Variants in MDFIC observed in about 807,000 individuals in gnomAD.
MDFIC encodes myoD family inhibitor domain-containing protein.
Under a neutral mutation model 23.2 loss-of-function variants are expected in MDFIC, and 17 were observed. That is an observed-to-expected ratio of 0.73 (90% CI 0.50 to 1.10). MDFIC has a LOEUF of 1.10. MDFIC is among the 50% of genes least tolerant of loss of function. MDFIC has a pLI of 0.00. For missense variants in MDFIC, 356 were observed against 316.6 expected, an observed-to-expected ratio of 1.12 and a Z score of -0.95; for synonymous variants, 120 against 115.2, an observed-to-expected ratio of 1.04 and a Z score of -0.27.
At chr7:114,953,358 G>A (rs527312427) in intron 3 of MDFIC, among the ~76,000 whole-genome samples, 1 of 152,214 alleles carries the variant, frequency 6.6e-6, no homozygotes, top group South Asian at 2.1e-4. Context: ...AAAGAGGATT[G>A]GAATAATATT....
Position 114,999,100 on chromosome 7 carries a change from C to G in MDFIC, c.494-16588C>G, listed in dbSNP as rs1791406374. ...CTCATTTCTCTATTTCATACTTTCT[C>G]TCCCTCCCCTCCCCTTACCTGTTTC... is the stretch of plus-strand genomic sequence containing the variant. On this transcript the variant is annotated intron_variant, in intron 4 of 4. Coordinates refer to ENST00000393486, the MANE Select transcript of MDFIC (RefSeq NM_001166345.3). 2.0e-5 allele frequency among the ~76,000 whole-genome samples: 3 copies of G among 151,980 alleles called. No individual in the cohort carries two copies. The South Asian group carries it at 6.2e-4, about 32-fold the overall frequency.
intron 4 of MDFIC, among the ~76,000 whole-genome samples, chr7:115,001,813 AT>A (rs1477318372): frequency 1.3e-5 from 2 of 152,190 alleles, no homozygotes; most frequent in African/African-American, 4.8e-5. Context: ...CATGAAAAAA[AT>A]ATATATGTAT....
At chr7:114,961,174 A>G (rs1357104405) in intron 3 of MDFIC, among the ~76,000 whole-genome samples, 2 of 152,178 alleles carry the variant, frequency 1.3e-5, no homozygotes, top group African/African-American at 4.8e-5. Context: ...TTGACTGCCT[A>G]AAGGATGAGA....
intron 3 of MDFIC, among the ~76,000 whole-genome samples, chr7:114,944,531 C>T (rs982627759): frequency 6.6e-6 from 1 of 152,178 alleles, no homozygotes; most frequent in East Asian, 1.9e-4. Flanking sequence ...TTAAAACTGA[C>T]TCAATTCTGG....
chr7:114,922,579 C>A lies in MDFIC; in HGVS notation c.-165C>A, dbSNP rs1792104907. On this transcript the variant is annotated 5_prime_UTR_variant, in exon 1 of 5. Coordinates refer to ENST00000393486, the MANE Select transcript of MDFIC (RefSeq NM_001166345.3). ...CCGGAGGCTCGCTAACTTTCCGGGG[C>A]GGAAGAGGAGGAGGAGGAGGAGGAA... is the stretch of plus-strand genomic sequence containing the variant. The A allele has an allele frequency of 7.9e-7, 1 of 1,264,050 alleles. No individual in the cohort carries two copies. 78.3% of individuals were successfully genotyped at this position (1,264,050 alleles called of 1,614,324 possible).
intron 2 of MDFIC, among the ~76,000 whole-genome samples, chr7:114,925,702 A>T (rs1164416260): frequency 1.3e-5 from 2 of 152,160 alleles, no homozygotes; most frequent in African/African-American, 2.4e-5. Flanking sequence ...GTTTTAGCTA[A>T]TTGTTGCCAT....
chr7:114,939,573 A>T (rs1317988344), intron 2 of MDFIC, among the ~76,000 whole-genome samples: 3 of 152,146 alleles, frequency 2.0e-5, no homozygotes, highest in South Asian at 2.1e-4. Flanking sequence ...TAGAGCAGGA[A>T]GAACTTTATT....
At chr7:114,973,105 A>G (rs1440487621) in intron 3 of MDFIC, among the ~76,000 whole-genome samples, 12 of 146,980 alleles carry the variant, frequency 8.2e-5, no homozygotes, top group Non-Finnish European at 1.4e-4. Context: ...GTGTGTGTAT[A>G]TATATATATA....
chr7:115,013,422 A>G (rs1332466053), intron 4 of MDFIC, among the ~76,000 whole-genome samples: 3 of 152,222 alleles, frequency 2.0e-5, no homozygotes, highest in African/African-American at 7.2e-5. Context: ...TACGACTAGT[A>G]TATAAATAAT....
intron 3 of MDFIC, among the ~76,000 whole-genome samples, chr7:114,969,338 A>ATAGTG (rs1239160884): frequency 2.0e-5 from 3 of 152,218 alleles, no homozygotes; most frequent in Non-Finnish European, 4.4e-5. Flanking sequence ...GTGACAGCTT[A>ATAGTG]AAAGCTAGTA....
Position 115,017,662 on chromosome 7 carries a change from G to A in MDFIC, c.*1727G>A, listed in dbSNP as rs756674536. ...AATTGTATAGTTATTGAGACCTATA[G>A]TGTGTGGCTTAGATGAAAGGGAGAG... On this transcript the variant is annotated 3_prime_UTR_variant, in exon 5 of 5. Coordinates refer to ENST00000393486, the MANE Select transcript of MDFIC (RefSeq NM_001166345.3). 2 of 152,524 alleles carry A rather than the reference G, an allele frequency of 1.3e-5. No individual in the cohort carries two copies. The highest frequency in any genetic ancestry group is 3.9e-4 in the East Asian group (2 of 5,186). 9.4% of individuals were successfully genotyped at this position (152,524 alleles called of 1,614,324 possible).
intron 3 of MDFIC, among the ~76,000 whole-genome samples, chr7:114,952,740 C>T (rs961385694): frequency 3.3e-5 from 5 of 152,148 alleles, no homozygotes; most frequent in African/African-American, 1.2e-4. Flanking sequence ...CTCAAATTGT[C>T]ATGAATAATT....
Position 114,922,622 on chromosome 7 carries a change from C to T in MDFIC, c.-122C>T. 1 of 1,280,444 alleles carries T rather than the reference C, an allele frequency of 7.8e-7. No homozygotes were observed. The highest frequency in any genetic ancestry group is 9.9e-7 in the Non-Finnish European group (1 of 1,007,190). The allele number at this position is 1,280,444 out of a possible 1,614,324, so 79.3% of individuals were successfully genotyped here. A position where few individuals can be genotyped will look rare whatever the true frequency, so the allele number is the denominator to read the frequency against. On this transcript the variant is annotated 5_prime_UTR_variant, in exon 1 of 5. The change creates a new upstream start codon in the 5' untranslated region. Coordinates refer to ENST00000393486, the MANE Select transcript of MDFIC (RefSeq NM_001166345.3). The stretch of plus-strand genomic sequence containing the variant: ...AGGAGGAAGGGGCTTGGAGCGACTA[C>T]GGGGGGATGCGGAGGTAGGTAGTGG...
chr7:114,970,342 A>G (rs1044926120), intron 3 of MDFIC, among the ~76,000 whole-genome samples: 1 of 152,084 alleles, frequency 6.6e-6, no homozygotes, highest in African/African-American at 2.4e-5. Flanking sequence ...TAGGCTGGGG[A>G]TGTTTCTAGC....
intron 4 of MDFIC, among the ~76,000 whole-genome samples, chr7:115,015,357 G>A (rs1453174840): frequency 6.6e-6 from 1 of 152,182 alleles, no homozygotes; most frequent in Admixed American, 6.5e-5. Context: ...AAGAGCAATA[G>A]GATATAGAAA....
intron 2 of MDFIC, among the ~76,000 whole-genome samples, chr7:114,939,924 A>T (rs561721175): frequency 6.6e-6 from 1 of 152,334 alleles, no homozygotes; most frequent in East Asian, 1.9e-4. Context: ...TAACAATGGC[A>T]GCAAGTATGT....
intron 4 of MDFIC, among the ~76,000 whole-genome samples, chr7:115,000,857 A>G (rs988333524): frequency 2.6e-5 from 4 of 152,208 alleles, no homozygotes; most frequent in Admixed American, 2.6e-4. Flanking sequence ...ATTTCCATAA[A>G]TAAGTGCAGG....
At chr7:114,985,985 G>T (rs139280375) in intron 4 of MDFIC, among the ~76,000 whole-genome samples, 71 of 150,590 alleles carry the variant, frequency 4.7e-4, no homozygotes, top group African/African-American at 1.7e-3. Flanking sequence ...AGCCAATACT[G>T]CTATGTATTA....
In MDFIC at chr7:114,923,056, T is replaced by G. The variant is rs757781435; in HGVS notation, c.23T>G (p.Leu8Arg). 2.2e-6 allele frequency: 3 copies of G among 1,362,022 alleles called. No individual in the cohort carries two copies. In the South Asian group the frequency reaches 5.2e-5, roughly 24 times the overall value. The allele number at this position is 1,362,022 out of a possible 1,614,324, so 84.4% of individuals were successfully genotyped here. ...CCCATGTCCGGCGCGGGCGAAGCCCTCGCTCCCGGGCCCGTGGGGCCGCAG... is the reference window on the plus strand; with the variant it reads ...CCCATGTCCGGCGCGGGCGAAGCCCGCGCTCCCGGGCCCGTGGGGCCGCAG... MSGAGEALAPGPVGPQRV... is the reference protein window; with the variant it reads MSGAGEARAPGPVGPQRV... The change falls in exon 2 of 5, where the codon CTC becomes CGC. Residue 8 changes from leucine (L) to arginine (R), a missense_variant. Physicochemically the swap from Leu to Arg is moderately radical, Grantham distance 102. Transcript: ENST00000393486.
Sources: gnomAD v4.1 joint callset for allele counts (sites outside exome capture counted in the v4.1 genomes callset) on GRCh38, gnomAD v4.1.1 for gene constraint, MANE v1.5 for transcripts, NCBI Gene and HGNC (gene_info 2026-07-23, HGNC 2026-07-21) for gene names.